The following NWD1 variants were observed in gnomAD, a reference collection of about 807,000 sequenced individuals.
NWD1 encodes NACHT domain- and WD repeat-containing protein 1.
NWD1 carries 129 observed loss-of-function variants against 135.1 expected under a neutral mutation model. The observed-to-expected ratio is 0.96, with a 90% confidence interval of 0.83 to 1.11. The LOEUF (loss-of-function observed/expected upper bound fraction) is 1.11, where lower values mean the gene tolerates loss of function less well. Among genes scored for constraint, NWD1 ranks in the 50% least tolerant of loss-of-function variants. NWD1 has a pLI of 0.00. For missense variants in NWD1, 1,740 were observed against 1,851.3 expected, an observed-to-expected ratio of 0.94 and a Z score of 1.10; for synonymous variants, 773 against 786.0, an observed-to-expected ratio of 0.98 and a Z score of 0.28.
At chr19:16,813,438 G>A (rs1002104912) in intron 18 of NWD1, among the ~76,000 whole-genome samples, 1 of 151,850 alleles carries the variant, frequency 6.6e-6, no homozygotes, top group Non-Finnish European at 1.5e-5. Context: ...TTCATTCTTT[G>A]CCCCCGCCTT....
chr19:16,761,460 T>A (rs1056324542), intron 7 of NWD1, among the ~76,000 whole-genome samples: 9 of 152,072 alleles, frequency 5.9e-5, no homozygotes, highest in African/African-American at 2.2e-4. Context: ...CACTGCAACC[T>A]CCACCTGGGA....
chr19:16,736,798 G>C, intron 4 of NWD1, 48 bp downstream of exon 4: 1 of 1,100,140 alleles, frequency 9.1e-7, no homozygotes, highest in Non-Finnish European at 1.3e-6. Flanking sequence ...TCCAGGATAT[G>C]CCCCCTGCTT....
intron 3 of NWD1, among the ~76,000 whole-genome samples, chr19:16,734,116 C>A (rs376665471): frequency 3.3e-5 from 5 of 152,098 alleles, no homozygotes; most frequent in Admixed American, 3.3e-4. Flanking sequence ...TGCAAGCGTG[C>A]GGTTGCCAAG....
In NWD1 at chr19:16,749,702, C is replaced by A; in HGVS notation, c.1060C>A (p.Leu354Met). 6.2e-7 allele frequency: 1 copy of A among 1,602,042 alleles called. No individual in the cohort carries two copies. Among genetic ancestry groups the A allele is most frequent in the Non-Finnish European group, 8.5e-7 (1 of 1,173,160 alleles). Residue 354 changes from leucine (L) to methionine (M), a missense_variant, in exon 6 of 19, where the codon CTG (leucine) becomes ATG (methionine). Coordinates refer to ENST00000524140, the MANE Select transcript of NWD1 (RefSeq NM_001007525.5). The stretch of plus-strand genomic sequence containing the variant: ...TGGAAAGACAGCCCTGATGTGCAAG[C>A]TGGCTGAGCAGATGCCAAGGCTGCT... ...GIGKTALMCK[L>M]AEQMPRLLGH... is the part of the protein sequence containing the mutation.
In NWD1 at chr19:16,726,848, C is replaced by T. The variant is rs185154799; in HGVS notation, c.-7+2385C>T. Among the ~76,000 whole-genome samples the T allele has an allele frequency of 6.6e-5, 10 of 152,318 alleles. 1 individual carries two copies. The East Asian group carries it at 1.9e-3, about 29-fold the overall frequency. On this transcript the variant is annotated intron_variant, in intron 2 of 18. Transcript: ENST00000524140. ...GTTGAGCAGCATCCCTGGTCTCCAC[C>T]CACGTGATGCCAGTAGCATCCTCCA...
At chr19:16,747,884 C>T (rs1054504724) in intron 5 of NWD1, among the ~76,000 whole-genome samples, 1 of 152,216 alleles carries the variant, frequency 6.6e-6, no homozygotes, top group African/African-American at 2.4e-5. Flanking sequence ...CACATTTTAA[C>T]ACCTGTGAGT....
intron 1 of NWD1, among the ~76,000 whole-genome samples, chr19:16,720,562 CTT>C (rs963112481): frequency 6.7e-6 from 1 of 149,200 alleles, no homozygotes; most frequent in Non-Finnish European, 1.5e-5. Flanking sequence ...TCTAGGGAGA[CTT>C]TTTTTTTTTT....
chr19:16,780,483 G>A (rs973782074), intron 12 of NWD1, among the ~76,000 whole-genome samples: 1 of 152,080 alleles, frequency 6.6e-6, no homozygotes, highest in African/African-American at 2.4e-5. Flanking sequence ...AAAACAAGTA[G>A]GCACTCACAG....
At chr19:16,730,771 G>A (rs752327746) in intron 2 of NWD1, among the ~76,000 whole-genome samples, 2 of 152,026 alleles carry the variant, frequency 1.3e-5, no homozygotes, top group African/African-American at 2.4e-5. Flanking sequence ...GCTCATGTCT[G>A]TAATCCCAAC....
chr19:16,720,394 G>A (rs1967092904), intron 1 of NWD1, 101 bp downstream of exon 1: 1 of 152,224 alleles, frequency 6.6e-6, no homozygotes, highest in Non-Finnish European at 1.5e-5. Context: ...TCAGGAGGAG[G>A]TAGCATTGAA....
At chr19:16,781,619 A>G (rs1209846121) in intron 12 of NWD1, among the ~76,000 whole-genome samples, 2 of 152,130 alleles carry the variant, frequency 1.3e-5, no homozygotes, top group Non-Finnish European at 2.9e-5. Flanking sequence ...CTATCTCAAA[A>G]AAAAAAGCAA....
rs189074371 is a variant in NWD1 at position 16,816,472 on chromosome 19, A to G, written c.*1433A>G. 6.6e-6 allele frequency: 1 copy of G among 152,316 alleles called. No individual in the cohort carries two copies. The highest frequency in any genetic ancestry group is 6.5e-5 in the Admixed American group (1 of 15,292). The allele number at this position is 152,316 out of a possible 1,614,324, so 9.4% of individuals were successfully genotyped here. On this transcript the variant is annotated 3_prime_UTR_variant, in exon 19 of 19. Transcript: ENST00000524140. ...TCCTTGGCTCCCAAACTTTTGGGATAAAGATGTGGGTTTTTAATCTTAAAA... is the reference window on the plus strand; with the variant it reads ...TCCTTGGCTCCCAAACTTTTGGGATGAAGATGTGGGTTTTTAATCTTAAAA...
intron 14 of NWD1, among the ~76,000 whole-genome samples, chr19:16,792,227 C>T (rs993163241): frequency 9.2e-5 from 14 of 152,014 alleles, no homozygotes; most frequent in African/African-American, 3.1e-4. Flanking sequence ...GGTTGGTGGA[C>T]GGCTGCTTTC....
At chr19:16,720,857 C>A (rs1967109082) in intron 1 of NWD1, among the ~76,000 whole-genome samples, 1 of 151,682 alleles carries the variant, frequency 6.6e-6, no homozygotes, top group African/African-American at 2.4e-5. Flanking sequence ...CTGGCCGAGA[C>A]TTTTTCTTTT....
chr19:16,759,184 A>G (rs1968912120), intron 6 of NWD1, 41 bp from the exon 7 acceptor site: 2 of 1,513,496 alleles, frequency 1.3e-6, no homozygotes, highest in East Asian at 2.3e-5. Context: ...AATGCAGAAG[A>G]CATGAGATGT....
intron 14 of NWD1, 50 bp downstream of exon 14, chr19:16,791,672 G>A: frequency 6.5e-7 from 1 of 1,528,128 alleles, no homozygotes; most frequent in Non-Finnish European, 9.0e-7. Flanking sequence ...GCTTGAAAGT[G>A]CTCAGATGTG....
intron 17 of NWD1, among the ~76,000 whole-genome samples, chr19:16,803,991 T>G (rs760546694): frequency 2.0e-5 from 3 of 152,042 alleles, no homozygotes; most frequent in Non-Finnish European, 2.9e-5. Context: ...ATTTTCTGCA[T>G]GAGGTAGTTG....
intron 17 of NWD1, among the ~76,000 whole-genome samples, chr19:16,807,170 CAAAAA>C (rs111687474): frequency 1.0e-5 from 1 of 99,838 alleles, no homozygotes. Context: ...AATACTGTCT[CAAAAA>C]AAAAAAAAAA....
intron 9 of NWD1, 28 bp downstream of exon 9, chr19:16,763,973 C>A: frequency 7.2e-7 from 1 of 1,382,568 alleles, no homozygotes; most frequent in Non-Finnish European, 1.0e-6. Context: ...TCTCAGAGGA[C>A]CGAGCCTGGT....
Sources: allele counts gnomAD v4.1 joint callset (sites outside exome capture counted in the v4.1 genomes callset), GRCh38; gene constraint gnomAD v4.1.1; transcripts MANE v1.5; gene names NCBI Gene and HGNC (gene_info 2026-07-23, HGNC 2026-07-21).